Variants in CREB5 observed in about 807,000 individuals in gnomAD.
The protein encoded by CREB5 is cAMP responsive element binding protein 5.
A neutral mutation model predicts 57.1 loss-of-function variants in CREB5; 19 were observed. That is an observed-to-expected ratio of 0.33 (90% confidence interval 0.23 to 0.49). CREB5 has a LOEUF of 0.49. Ranked by LOEUF, CREB5 falls within the 20% of genes least tolerant of loss-of-function variation. CREB5 has a pLI of 0.99. For missense variants in CREB5, 579 were observed against 671.6 expected (o/e 0.86, Z 1.52); for synonymous variants, 238 against 238.3 (o/e 1.00, Z 0.01).
At chr7:28,456,051 C>G (rs1790081343) in intron 1 of CREB5, among the ~76,000 whole-genome samples, 1 of 152,168 alleles carries the variant, frequency 6.6e-6, no homozygotes. Flanking sequence ...TCTCTGTGCT[C>G]TCACTGGTAC....
At chr7:28,415,778 C>T (rs956080586) in intron 1 of CREB5, among the ~76,000 whole-genome samples, 2 of 152,088 alleles carry the variant, frequency 1.3e-5, no homozygotes, top group Non-Finnish European at 2.9e-5. Flanking sequence ...TCTGTGAGGA[C>T]GGGATCTGAA....
chr7:28,664,748 T>G (rs1799748918), intron 5 of CREB5, among the ~76,000 whole-genome samples: 1 of 148,224 alleles, frequency 6.7e-6, no homozygotes, highest in Non-Finnish European at 1.5e-5. Context: ...TCTTCTAGTC[T>G]GCATTAATGC....
At chr7:28,711,838 T>G (rs1802412303) in intron 5 of CREB5, among the ~76,000 whole-genome samples, 1 of 152,224 alleles carries the variant, frequency 6.6e-6, no homozygotes, top group Non-Finnish European at 1.5e-5. Context: ...GGACTGTGGT[T>G]CTTTAAAGCT....
intron 9 of CREB5, among the ~76,000 whole-genome samples, chr7:28,815,833 T>C (rs1809407585): frequency 6.6e-6 from 1 of 152,174 alleles, no homozygotes; most frequent in Non-Finnish European, 1.5e-5. Flanking sequence ...GAACCCAGTT[T>C]TGTTTTTAAT....
At chr7:28,359,488 A>G (rs770265254) in intron 1 of CREB5, among the ~76,000 whole-genome samples, 26 of 152,210 alleles carry the variant, frequency 1.7e-4, no homozygotes, top group Non-Finnish European at 7.3e-5. Context: ...TCTGTTCAAT[A>G]AAGGGTGTTG....
intron 1 of CREB5, among the ~76,000 whole-genome samples, chr7:28,482,032 C>G (rs1417084965): frequency 6.6e-6 from 1 of 152,208 alleles, no homozygotes; most frequent in East Asian, 1.9e-4. Flanking sequence ...AGAGGACTTA[C>G]TTTTCTCTTA....
intron 1 of CREB5, among the ~76,000 whole-genome samples, chr7:28,414,332 T>C (rs1787941851): frequency 6.6e-6 from 1 of 151,938 alleles, no homozygotes; most frequent in Non-Finnish European, 1.5e-5. Context: ...GATGGAACAG[T>C]GATCTCAGTC....
intron 5 of CREB5, among the ~76,000 whole-genome samples, chr7:28,575,243 T>TG (rs1292136128): frequency 6.6e-6 from 1 of 152,198 alleles, no homozygotes; most frequent in East Asian, 1.9e-4. Context: ...CTACGAGTCA[T>TG]GTGGCTTTGC....
chr7:28,539,747 T>TGAACA (rs1214521798), intron 4 of CREB5, among the ~76,000 whole-genome samples: 3 of 152,212 alleles, frequency 2.0e-5, no homozygotes, highest in African/African-American at 7.2e-5. Context: ...CCCTGAGGGC[T>TGAACA]GAACATATGT....
At chr7:28,765,183 A>G (rs747858380) in intron 7 of CREB5, among the ~76,000 whole-genome samples, 3 of 152,236 alleles carry the variant, frequency 2.0e-5, no homozygotes, top group Non-Finnish European at 4.4e-5. Context: ...TATTGTGATC[A>G]TACGTGTCAT....
At chr7:28,770,551 T>C (rs1224478976) in intron 7 of CREB5, among the ~76,000 whole-genome samples, 1 of 152,224 alleles carries the variant, frequency 6.6e-6, no homozygotes, top group Non-Finnish European at 1.5e-5. Flanking sequence ...GTCCACTTAA[T>C]GTTTTGGTTT....
intron 7 of CREB5, among the ~76,000 whole-genome samples, chr7:28,728,310 C>T (rs1269162462): frequency 6.6e-6 from 1 of 152,206 alleles, no homozygotes. Flanking sequence ...AGTGACACAA[C>T]ACTTAGCAAA....
chr7:28,793,499 G>A (rs570218228), intron 7 of CREB5, among the ~76,000 whole-genome samples: 36 of 152,344 alleles, frequency 2.4e-4, no homozygotes, highest in East Asian at 1.2e-3. Flanking sequence ...CAGCTGTCTC[G>A]AGGGGTAGAC....
intron 5 of CREB5, among the ~76,000 whole-genome samples, chr7:28,648,501 T>G (rs1798993507): frequency 6.6e-6 from 1 of 152,070 alleles, no homozygotes; most frequent in South Asian, 2.1e-4. Flanking sequence ...TTTGGGAGGC[T>G]TAGGCAGGAG....
intron 1 of CREB5, among the ~76,000 whole-genome samples, chr7:28,406,468 T>C (rs983758): frequency 1.3e-5 from 2 of 152,174 alleles, no homozygotes; most frequent in Non-Finnish European, 2.9e-5. Flanking sequence ...TCCTGTTCTG[T>C]GGAGGGAAAT....
intron 6 of CREB5, among the ~76,000 whole-genome samples, chr7:28,723,336 G>C (rs12535210): frequency 0.22 from 33,032 of 152,168 alleles, 3,748 homozygotes; most frequent in Admixed American, 0.33. Context: ...AATGGAAGTA[G>C]ACATTTTGCC....
At chr7:28,798,394 T>A (rs1180031466) in intron 7 of CREB5, among the ~76,000 whole-genome samples, 1 of 116,756 alleles carries the variant, frequency 8.6e-6, no homozygotes, top group Admixed American at 8.1e-5. Flanking sequence ...GTGCTGCGTG[T>A]GTGCACACTC....
intron 4 of CREB5, among the ~76,000 whole-genome samples, chr7:28,541,675 AAAC>A (rs1302051354): frequency 2.0e-5 from 3 of 151,952 alleles, no homozygotes; most frequent in African/African-American, 4.8e-5. Context: ...ACAAACAAAC[AAAC>A]AACAACAACA....
At chr7:28,631,209 A>T (rs892721301) in intron 5 of CREB5, among the ~76,000 whole-genome samples, 5 of 152,186 alleles carry the variant, frequency 3.3e-5, no homozygotes, top group East Asian at 1.9e-4. Flanking sequence ...GACTGCTTTA[A>T]TCTGCCTCCC....
Sources: gnomAD v4.1 joint callset for allele counts (sites outside exome capture counted in the v4.1 genomes callset) on GRCh38, gnomAD v4.1.1 for gene constraint, MANE v1.5 for transcripts, NCBI Gene and HGNC (gene_info 2026-07-23, HGNC 2026-07-21) for gene names.